The following LMLN variants were observed in gnomAD, a reference collection of about 807,000 sequenced individuals.
LMLN encodes leishmanolysin-like peptidase.
In LMLN, 70 loss-of-function variants were observed where a neutral mutation model predicts 92.3. That is an observed-to-expected ratio of 0.76 (90% CI 0.63 to 0.92). LMLN has a LOEUF of 0.92. Among genes scored for constraint, LMLN ranks in the 40% least tolerant of loss-of-function variants. The pLI is 0.00. For missense variants in LMLN, 691 were observed against 814.6 expected (o/e 0.85, Z 1.85); for synonymous variants, 308 against 296.2 (o/e 1.04, Z -0.41).
At chr3:198,013,743 A>G (rs1722524890) in intron 11 of LMLN, among the ~76,000 whole-genome samples, 1 of 131,076 alleles carries the variant, frequency 7.6e-6, no homozygotes, top group Admixed American at 7.2e-5. Flanking sequence ...TCCCCTAACT[A>G]GTCTGACTTC....
At chr3:198,020,512 CAAT>C (rs1250727775) in intron 12 of LMLN, among the ~76,000 whole-genome samples, 6 of 152,136 alleles carry the variant, frequency 3.9e-5, no homozygotes, top group Non-Finnish European at 5.9e-5. Flanking sequence ...TGATATAACT[CAAT>C]AAGTTGGTGG....
At chr3:197,967,161 T>C (rs1194469361) in intron 1 of LMLN, among the ~76,000 whole-genome samples, 1 of 152,248 alleles carries the variant, frequency 6.6e-6, no homozygotes, top group Admixed American at 6.5e-5. Flanking sequence ...TTTATATTTA[T>C]GGTTTTTTAC....
intron 6 of LMLN, among the ~76,000 whole-genome samples, chr3:197,982,412 G>A (rs1721586123): frequency 6.6e-6 from 1 of 151,550 alleles, no homozygotes; most frequent in South Asian, 2.1e-4. Context: ...TTTTAGTAGA[G>A]ACAAGGTTTT....
intron 8 of LMLN, 92 bp downstream of exon 8, chr3:197,985,982 A>G (rs904680934): frequency 3.9e-6 from 3 of 768,942 alleles, no homozygotes; most frequent in Non-Finnish European, 2.2e-6. Context: ...GCCATAAATA[A>G]TAATGTCTTC....
At chr3:197,967,921 CA>C (rs1002191809) in intron 1 of LMLN, among the ~76,000 whole-genome samples, 6 of 152,166 alleles carry the variant, frequency 3.9e-5, no homozygotes, top group Non-Finnish European at 7.4e-5. Flanking sequence ...CTCTCTGCAA[CA>C]AGAAAAATAT....
intron 2 of LMLN, 109 bp from the exon 3 acceptor site, chr3:197,974,933 G>A (rs1721325774): frequency 2.8e-6 from 2 of 725,942 alleles, no homozygotes. Context: ...TGCTCCATAG[G>A]CAGAGCAGGC....
intron 1 of LMLN, among the ~76,000 whole-genome samples, chr3:197,963,966 G>A (rs1392070603): frequency 6.6e-6 from 1 of 152,038 alleles, no homozygotes; most frequent in Non-Finnish European, 1.5e-5. Flanking sequence ...GTTTCCCGAG[G>A]GTTTTTATCC....
rs745344466 is a variant in LMLN, at chr3:198,003,171, T to C, written c.1232+3829T>C. Reference sequence around the variant, plus strand: ...AGTGTCACTGATTACACAGTTCCTTTCTGACTTTATTCTTTATCCTGAGCC... The same window carrying C: ...AGTGTCACTGATTACACAGTTCCTTCCTGACTTTATTCTTTATCCTGAGCC... On this transcript the variant is annotated intron_variant, in intron 11 of 15. Transcript: ENST00000330198. 64 of 1,128,816 alleles carry C rather than the reference T, an allele frequency of 5.7e-5. 1 individual carries two copies. In the South Asian group the frequency reaches 7.2e-4, roughly 13 times the overall value. 69.9% of individuals were successfully genotyped at this position (1,128,816 alleles called of 1,614,324 possible). A position where few individuals can be genotyped will look rare whatever the true frequency, so the allele number is the denominator to read the frequency against.
At chr3:197,974,045 C>T (rs1721301044) in intron 1 of LMLN, among the ~76,000 whole-genome samples, 1 of 152,176 alleles carries the variant, frequency 6.6e-6, no homozygotes, top group African/African-American at 2.4e-5. Flanking sequence ...TTGGTCTCTT[C>T]CTGTCATTTT....
At chr3:197,963,657 C>T (rs1169792917) in intron 1 of LMLN, among the ~76,000 whole-genome samples, 1 of 152,162 alleles carries the variant, frequency 6.6e-6, no homozygotes, top group Non-Finnish European at 1.5e-5. Context: ...CTTCTGAGAC[C>T]TAGCTAAACT....
intron 11 of LMLN, among the ~76,000 whole-genome samples, chr3:198,001,373 A>G (rs1722167324): frequency 6.6e-6 from 1 of 152,206 alleles, no homozygotes; most frequent in Non-Finnish European, 1.5e-5. Flanking sequence ...GGAAGGTCTC[A>G]TGATGTGTAG....
At chr3:198,039,406 T>C (rs1164016788) in exon 16 of LMLN, 1 of 152,264 alleles carries the variant, frequency 6.6e-6, no homozygotes, top group Non-Finnish European at 1.5e-5. Context: ...CTTTGAGTTA[T>C]AGAAAATAAT....
intron 1 of LMLN, among the ~76,000 whole-genome samples, chr3:197,973,615 A>T (rs933994085): frequency 1.3e-5 from 2 of 152,212 alleles, no homozygotes; most frequent in Admixed American, 1.3e-4. Flanking sequence ...TGGAATGAGT[A>T]AAATACTGGA....
chr3:198,001,685 A>G (rs1257163983), intron 11 of LMLN, among the ~76,000 whole-genome samples: 2 of 152,162 alleles, frequency 1.3e-5, no homozygotes, highest in South Asian at 2.1e-4. Flanking sequence ...TGTCTGAGTG[A>G]GAGTTTTGTT....
chr3:197,971,038 T>A (rs1269493164), intron 1 of LMLN, among the ~76,000 whole-genome samples: 3 of 152,204 alleles, frequency 2.0e-5, no homozygotes, highest in Non-Finnish European at 2.9e-5. Flanking sequence ...GATATAGACT[T>A]CTGTGTTGAA....
intron 8 of LMLN, among the ~76,000 whole-genome samples, chr3:197,986,730 A>G (rs1560140142): frequency 1.3e-5 from 2 of 152,234 alleles, no homozygotes; most frequent in Non-Finnish European, 2.9e-5. Flanking sequence ...TGAACAGATA[A>G]CGTGATAACA....
chr3:198,015,881 T>A (rs1487027754), intron 11 of LMLN, among the ~76,000 whole-genome samples: 3 of 152,176 alleles, frequency 2.0e-5, no homozygotes, highest in Non-Finnish European at 1.5e-5. Flanking sequence ...GGTACTGATA[T>A]TTCTATTGTT....
At position 198,024,776 on chromosome 3, in the gene LMLN, C is replaced by T. The variant is rs377164514; in HGVS notation, c.1644C>T (p.Ser548=). 203 of 1,606,572 alleles carry T rather than the reference C, an allele frequency of 1.3e-4. 2 individuals carry two copies. In the Middle Eastern group the frequency reaches 2.0e-3, roughly 16 times the overall value. The change falls in exon 14 of 16, where the codon AGC becomes AGT. Residue 548 remains serine, a synonymous_variant. Transcript: ENST00000330198. Reference sequence around the variant, plus strand: ...AGCTGAGTTACCCAGACTGGGGAAGCGGATGCTATCAGGTAAGCTTATGTT... The same window carrying T: ...AGCTGAGTTACCCAGACTGGGGAAGTGGATGCTATCAGGTAAGCTTATGTT...
intron 14 of LMLN, 135 bp from the exon 16 acceptor site, chr3:198,035,698 C>G (rs904339028): frequency 1.4e-6 from 1 of 724,884 alleles, no homozygotes; most frequent in Non-Finnish European, 2.2e-6. Flanking sequence ...TATGCCCACA[C>G]TGCAAATTGT....
Sources: gnomAD v4.1 joint callset for allele counts (sites outside exome capture counted in the v4.1 genomes callset) on GRCh38, gnomAD v4.1.1 for gene constraint, MANE v1.5 for transcripts, NCBI Gene and HGNC (gene_info 2026-07-23, HGNC 2026-07-21) for gene names.